Variants in FAM220A observed in about 807,000 individuals in gnomAD.
The protein encoded by FAM220A is family with sequence similarity 220 member A.
For missense variants in FAM220A, 392 were observed against 321.6 expected (o/e 1.22, Z -1.68); for synonymous variants, 141 against 130.7 (o/e 1.08, Z -0.54).
chr7:6,331,351 C>T (rs1781630988), intron 1 of FAM220A, 116 bp from the exon 2 acceptor site: 1 of 627,510 alleles, frequency 1.6e-6, no homozygotes, highest in South Asian at 2.0e-5. Context: ...GTCTCCAGTA[C>T]AGGGTTTCAC....
At position 6,330,439 on chromosome 7, in the gene FAM220A, T is replaced by A. The variant is rs1781606513; in HGVS notation, c.716A>T (p.Gln239Leu). 1 of 1,614,210 alleles carries A rather than the reference T, an allele frequency of 6.2e-7. No homozygotes were observed. Among genetic ancestry groups the A allele is most frequent in the African/African-American group, 1.3e-5 (1 of 75,074 alleles). The change falls in exon 2 of 2, where the codon CAG becomes CTG. Residue 239 changes from glutamine to leucine, a missense_variant. By Grantham distance (113) the Gln-to-Leu change is moderately radical. Coordinates refer to ENST00000313324, the MANE Select transcript of FAM220A (RefSeq NM_001037163.2). Reference protein sequence around the residue: ...KMLKSTSDGLQITLGLLALQP... With the variant: ...KMLKSTSDGLLITLGLLALQP... ...CAGAGCCAGTAACCCCAGTGTTATC[T>A]GCAGACCATCTGAGGTGCTTTTAAG...
chr7:6,342,182 C>G (rs940005381), intron 1 of FAM220A, among the ~76,000 whole-genome samples: 1 of 152,070 alleles, frequency 6.6e-6, no homozygotes, highest in African/African-American at 2.4e-5. Context: ...CATTTTCTTT[C>G]CTTTCTTTTT....
At chr7:6,342,508 C>G (rs925886963) in intron 1 of FAM220A, among the ~76,000 whole-genome samples, 2 of 152,004 alleles carry the variant, frequency 1.3e-5, no homozygotes, top group African/African-American at 4.8e-5. Flanking sequence ...CATTGCACTG[C>G]AGCCTGGGTG....
chr7:6,330,775 C>A lies in FAM220A; in HGVS notation c.380G>T (p.Arg127Leu), dbSNP rs3750040. 6.2e-7 allele frequency: 1 copy of A among 1,613,862 alleles called. No individual in the cohort carries two copies. Among genetic ancestry groups the A allele is most frequent in the Admixed American group, 1.7e-5 (1 of 59,962 alleles). The change falls in exon 2 of 2, where the codon CGG (arginine) becomes CTG (leucine). Residue 127 changes from arginine to leucine, a missense_variant. Physicochemically the swap from Arg to Leu is moderately radical, Grantham distance 102. Coordinates refer to ENST00000313324, the MANE Select transcript of FAM220A (RefSeq NM_001037163.2). ...GGGCCCTCCTCCCAGCCAGTCTCGC[C>A]GCCCCAGAGCTTCAACACCACTGCA... ...VSCSGVEALG[R>L]RDWLGGGPRA...
intron 1 of FAM220A, among the ~76,000 whole-genome samples, chr7:6,331,513 C>G (rs1352737165): frequency 2.0e-5 from 3 of 151,710 alleles, no homozygotes; most frequent in Non-Finnish European, 4.4e-5. Context: ...GTCGCCCACG[C>G]TGGGCGACCA....
At chr7:6,344,254 G>A (rs943359517) in intron 1 of FAM220A, among the ~76,000 whole-genome samples, 2 of 151,914 alleles carry the variant, frequency 1.3e-5, no homozygotes, top group Admixed American at 6.6e-5. Flanking sequence ...CTTCAAATCA[G>A]GTAAGTTAGT....
At chr7:6,341,042 G>A (rs1331661823) in intron 1 of FAM220A, among the ~76,000 whole-genome samples, 5 of 151,236 alleles carry the variant, frequency 3.3e-5, no homozygotes, top group Non-Finnish European at 7.4e-5. Flanking sequence ...TACTCGGGAG[G>A]CTGAGGCAGG....
In FAM220A at chr7:6,339,911, G is replaced by C. The variant is rs905080501; in HGVS notation, c.-82+8662C>G. 7.9e-5 allele frequency among the ~76,000 whole-genome samples: 12 copies of C among 151,866 alleles called. No homozygotes were observed. In the East Asian group the frequency reaches 1.8e-3, roughly 22 times the overall value. ...AACTGACTTTCCGCAGGGAGCATGA[G>C]TCTCACTCTGCCGCCCAGGCTGGAG... is the stretch of plus-strand genomic sequence containing the variant. On this transcript the variant is annotated intron_variant, in intron 1 of 1. Coordinates refer to ENST00000313324, the MANE Select transcript of FAM220A (RefSeq NM_001037163.2).
chr7:6,340,965 TAAA>T (rs149288000), intron 1 of FAM220A, among the ~76,000 whole-genome samples: 1 of 87,430 alleles, frequency 1.1e-5, no homozygotes, highest in Non-Finnish European at 2.1e-5. Context: ...CTGTCTCTAC[TAAA>T]AAAAAAAAAA....
At chr7:6,345,216 C>G (rs754111033) in intron 1 of FAM220A, among the ~76,000 whole-genome samples, 3 of 151,972 alleles carry the variant, frequency 2.0e-5, no homozygotes, top group Non-Finnish European at 4.4e-5. Flanking sequence ...CTCCTTGGCT[C>G]AAGCGATCCT....
intron 1 of FAM220A, among the ~76,000 whole-genome samples, chr7:6,333,506 T>C (rs1359062120): frequency 1.3e-5 from 2 of 152,194 alleles, no homozygotes; most frequent in Admixed American, 6.6e-5. Flanking sequence ...ATTGTTGTTG[T>C]TGCTGTTTTT....
At position 6,329,680 on chromosome 7, in the gene FAM220A, C is replaced by G. The variant is rs1032161934; in HGVS notation, c.*695G>C. The G allele has an allele frequency of 3.0e-5, 5 of 165,074 alleles. No individual in the cohort carries two copies. Among genetic ancestry groups the G allele is most frequent in the African/African-American group, 9.7e-5 (4 of 41,418 alleles). The allele number at this position is 165,074 out of a possible 1,614,324, so 10.2% of individuals were successfully genotyped here. A position where few individuals can be genotyped will look rare whatever the true frequency, so the allele number is the denominator to read the frequency against. On this transcript the variant is annotated 3_prime_UTR_variant, in exon 2 of 2. Coordinates refer to ENST00000313324, the MANE Select transcript of FAM220A (RefSeq NM_001037163.2). ...ACTGCAATTCTTAGAATCTGGGAAA[C>G]TTTTTATGTGGGAAATAACTCGATT...
chr7:6,338,051 G>T (rs1397060966), intron 1 of FAM220A, among the ~76,000 whole-genome samples: 1 of 152,014 alleles, frequency 6.6e-6, no homozygotes, highest in African/African-American at 2.4e-5. Flanking sequence ...TGATCCACCT[G>T]CCTCAGCCTC....
chr7:6,334,538 G>C (rs573888837), intron 1 of FAM220A, among the ~76,000 whole-genome samples: 1 of 152,146 alleles, frequency 6.6e-6, no homozygotes, highest in Admixed American at 6.6e-5. Context: ...CAGGATCACA[G>C]CTTACTGCAA....
Position 6,348,757 on chromosome 7 carries a change from AT to A in FAM220A, c.-267del. 2.5e-6 allele frequency: 1 copy of A among 400,396 alleles called. No individual in the cohort carries two copies. The highest frequency in any genetic ancestry group is 4.4e-6 in the Non-Finnish European group (1 of 226,874). The allele number at this position is 400,396 out of a possible 1,614,324, so 24.8% of individuals were successfully genotyped here. ...AGCCAGGCCCGACAGAGCCGCCGCC[AT>A]ATAGAGACCGGCGCTCCCACAGCCC... is the stretch of plus-strand genomic sequence containing the variant. On this transcript the variant is annotated 5_prime_UTR_variant, in exon 1 of 2. The change abolishes an upstream ATG in the 5' untranslated region. Transcript: ENST00000313324.
At chr7:6,348,184 G>A (rs1310894337) in intron 1 of FAM220A, among the ~76,000 whole-genome samples, 2 of 147,884 alleles carry the variant, frequency 1.4e-5, no homozygotes, top group Admixed American at 6.8e-5. Context: ...TGCATTACAG[G>A]AGTAAGCCAC....
chr7:6,334,154 G>A (rs181410523), intron 1 of FAM220A, among the ~76,000 whole-genome samples: 389 of 151,252 alleles, frequency 2.6e-3, no homozygotes, highest in African/African-American at 8.7e-3. Flanking sequence ...CCGAACTCCT[G>A]GTCTCTTAAG....
Position 6,331,196 on chromosome 7 carries a change from C to G in FAM220A, c.-42G>C, listed in dbSNP as rs575596496. ...TGCGGTGGGCCTGAGGTCACGCCTT[C>G]GTCAGTCTGGGAGGGCCTTCAATGG... On this transcript the variant is annotated 5_prime_UTR_variant, in exon 2 of 2. Transcript: ENST00000313324. The G allele has an allele frequency of 1.9e-5, 30 of 1,574,340 alleles. No individual in the cohort carries two copies. In the South Asian group the frequency reaches 3.3e-4, roughly 17 times the overall value.
At position 6,348,729 on chromosome 7, in the gene FAM220A, G is replaced by C. The variant is rs1454397933; in HGVS notation, c.-238C>G. ...GGGCGGCGGCCGAGCGCGAGAGCCGGACAGCCAGGCCCGACAGAGCCGCCG... is the reference window on the plus strand; with the variant it reads ...GGGCGGCGGCCGAGCGCGAGAGCCGCACAGCCAGGCCCGACAGAGCCGCCG... On this transcript the variant is annotated 5_prime_UTR_variant, in exon 1 of 2. Coordinates refer to ENST00000313324, the MANE Select transcript of FAM220A (RefSeq NM_001037163.2). 4.8e-6 allele frequency: 2 copies of C among 416,624 alleles called. No individual in the cohort carries two copies. Among genetic ancestry groups the C allele is most frequent in the African/African-American group, 2.0e-5 (1 of 48,810 alleles). 25.8% of individuals were successfully genotyped at this position (416,624 alleles called of 1,614,324 possible).
Sources: gnomAD v4.1 joint callset for allele counts (sites outside exome capture counted in the v4.1 genomes callset) on GRCh38, gnomAD v4.1.1 for gene constraint, MANE v1.5 for transcripts, NCBI Gene and HGNC (gene_info 2026-07-23, HGNC 2026-07-21) for gene names.